Variants in DLGAP1 observed in about 807,000 individuals in gnomAD.
DLGAP1 encodes the protein disks large-associated protein 1.
In DLGAP1, 11 loss-of-function variants were observed where a neutral mutation model predicts 90.8. The ratio of observed to expected loss-of-function variants is 0.12; its 90% CI spans 0.08 to 0.20. The LOEUF (loss-of-function observed/expected upper bound fraction) is 0.20, where lower values mean the gene tolerates loss of function less well. DLGAP1 is among the 10% of genes least tolerant of loss of function. The pLI is 1.00. For synonymous variants in DLGAP1, 558 were observed against 540.7 expected (o/e 1.03, Z -0.44); for missense variants, 1,050 against 1,333.8 (o/e 0.79, Z 3.31).
intron 1 of DLGAP1, among the ~76,000 whole-genome samples, chr18:4,360,805 C>T (rs1326627423): frequency 6.6e-6 from 1 of 152,092 alleles, no homozygotes; most frequent in African/African-American, 2.4e-5. Context: ...ATGGCAAAAC[C>T]CTGTCTCTAC....
At chr18:4,019,852 C>T (rs1249324000) in intron 2 of DLGAP1, among the ~76,000 whole-genome samples, 2 of 152,090 alleles carry the variant, frequency 1.3e-5, no homozygotes, top group African/African-American at 4.8e-5. Context: ...CACCCCCTTC[C>T]CTCCCAAAAC....
intron 1 of DLGAP1, among the ~76,000 whole-genome samples, chr18:4,303,277 T>C (rs976916158): frequency 6.6e-6 from 1 of 152,188 alleles, no homozygotes. Context: ...ATTCTATTTT[T>C]TTTTTCATTA....
intron 1 of DLGAP1, among the ~76,000 whole-genome samples, chr18:4,392,650 C>G (rs1205579854): frequency 6.6e-6 from 1 of 152,134 alleles, no homozygotes; most frequent in Non-Finnish European, 1.5e-5. Flanking sequence ...ATCTACTAAA[C>G]TCTGTAATAA....
At chr18:3,816,212 C>T (rs141607435) in intron 4 of DLGAP1, among the ~76,000 whole-genome samples, 1 of 152,210 alleles carries the variant, frequency 6.6e-6, no homozygotes, top group African/African-American at 2.4e-5. Flanking sequence ...GGACACACAG[C>T]TAAAACGGCA....
intron 7 of DLGAP1, among the ~76,000 whole-genome samples, chr18:3,670,888 G>C (rs766749676): frequency 1.3e-5 from 2 of 152,146 alleles, no homozygotes; most frequent in Non-Finnish European, 2.9e-5. Context: ...TTTTATTTTA[G>C]TTTACCTTAT....
At chr18:4,349,275 A>G (rs1000337285) in intron 1 of DLGAP1, among the ~76,000 whole-genome samples, 4 of 152,154 alleles carry the variant, frequency 2.6e-5, no homozygotes, top group Non-Finnish European at 4.4e-5. Context: ...ACAAACCAGA[A>G]TTGAAGGACA....
At chr18:4,350,246 G>A (rs2081379066) in intron 1 of DLGAP1, among the ~76,000 whole-genome samples, 1 of 152,040 alleles carries the variant, frequency 6.6e-6, no homozygotes, top group Admixed American at 6.6e-5. Flanking sequence ...TTTAAAAATG[G>A]AGGGAAATAT....
rs144981979 is a variant in DLGAP1, at chr18:4,324,297, T to A, written c.-267+130709A>T. Among the ~76,000 whole-genome samples the A allele has an allele frequency of 2.5e-3, 380 of 149,848 alleles. 2 individuals are homozygous for A. The highest frequency in any genetic ancestry group is 9.2e-3 in the African/African-American group (373 of 40,684). On this transcript the variant is annotated intron_variant, in intron 1 of 12. Transcript: ENST00000315677. The stretch of plus-strand genomic sequence containing the variant: ...TCAATAAATTCTTGGACACATACAA[T>A]CTCGTATGACTGAACCATGAAAAAA...
At position 4,007,543 on chromosome 18, in the gene DLGAP1, C is replaced by T. The variant is rs187937115; in HGVS notation, c.-158-2342G>A. 5.3e-5 allele frequency among the ~76,000 whole-genome samples: 8 copies of T among 152,220 alleles called. No individual in the cohort carries two copies. The East Asian group carries it at 1.2e-3, about 22-fold the overall frequency. On this transcript the variant is annotated intron_variant, in intron 2 of 12. Transcript: ENST00000315677. Reference sequence around the variant, plus strand: ...TGGTGGCTGGCACCTGTAATCCCAGCTACTCGGGAGGCTGAGGCAGGAGAA... The same window carrying T: ...TGGTGGCTGGCACCTGTAATCCCAGTTACTCGGGAGGCTGAGGCAGGAGAA...
In DLGAP1 at chr18:3,943,967, G is replaced by A. The variant is rs113315070; in HGVS notation, c.-73+61149C>T. Among the ~76,000 whole-genome samples the A allele has an allele frequency of 7.8e-3, 1,192 of 152,234 alleles. 15 individuals carry two copies. Among genetic ancestry groups the A allele is most frequent in the South Asian group, 0.038 (181 of 4,822 alleles). The stretch of plus-strand genomic sequence containing the variant: ...CTCAGAACAACTCAACCCTGTGAAC[G>A]CCTTGATCTTGGACTTCCAGCCTTC... On this transcript the variant is annotated intron_variant, in intron 3 of 12. Transcript: ENST00000315677.
intron 3 of DLGAP1, among the ~76,000 whole-genome samples, chr18:3,914,145 G>T (rs2072092606): frequency 6.6e-6 from 1 of 152,188 alleles, no homozygotes; most frequent in African/African-American, 2.4e-5. Context: ...ATGCTGTACA[G>T]TAGGTTGCAG....
At chr18:3,992,425 C>G (rs2073987987) in intron 3 of DLGAP1, among the ~76,000 whole-genome samples, 1 of 152,182 alleles carries the variant, frequency 6.6e-6, no homozygotes, top group Non-Finnish European at 1.5e-5. Flanking sequence ...CGCCTGTAAT[C>G]CCAACACTTT....
At chr18:4,222,132 T>A (rs1224739294) in intron 1 of DLGAP1, among the ~76,000 whole-genome samples, 3 of 152,300 alleles carry the variant, frequency 2.0e-5, no homozygotes, top group Non-Finnish European at 2.9e-5. Context: ...TGATTTTATT[T>A]TCTTTCTTTA....
chr18:4,254,752 C>G (rs2078853988), intron 1 of DLGAP1, among the ~76,000 whole-genome samples: 1 of 152,166 alleles, frequency 6.6e-6, no homozygotes, highest in Non-Finnish European at 1.5e-5. Flanking sequence ...CTTCCTAATT[C>G]TCAGAGAAAC....
At chr18:4,223,162 A>AT (rs1206048947) in intron 1 of DLGAP1, among the ~76,000 whole-genome samples, 2 of 152,112 alleles carry the variant, frequency 1.3e-5, no homozygotes, top group African/African-American at 4.8e-5. Flanking sequence ...CATTTAGTAC[A>AT]TTTTTATACT....
chr18:3,561,916 T>C (rs2054142531), intron 9 of DLGAP1, among the ~76,000 whole-genome samples: 2 of 150,678 alleles, frequency 1.3e-5, no homozygotes, highest in African/African-American at 5.0e-5. Flanking sequence ...GAAAAGCACA[T>C]GTCACATGGT....
intron 7 of DLGAP1, among the ~76,000 whole-genome samples, chr18:3,649,227 C>G (rs2146416032): frequency 6.6e-6 from 1 of 152,320 alleles, no homozygotes; most frequent in South Asian, 2.1e-4. Flanking sequence ...AACCTTTCCT[C>G]TCCTCCCCAC....
At chr18:4,159,396 T>C (rs917076474) in intron 1 of DLGAP1, among the ~76,000 whole-genome samples, 2 of 152,196 alleles carry the variant, frequency 1.3e-5, no homozygotes, top group African/African-American at 2.4e-5. Flanking sequence ...GAACTCAACC[T>C]CCGGCTTTTG....
intron 2 of DLGAP1, among the ~76,000 whole-genome samples, chr18:4,079,316 C>T (rs1189726282): frequency 1.3e-5 from 2 of 151,678 alleles, no homozygotes; most frequent in Non-Finnish European, 2.9e-5. Flanking sequence ...CACACACACA[C>T]ACACACACAC....
Sources: allele counts gnomAD v4.1 joint callset (sites outside exome capture counted in the v4.1 genomes callset), GRCh38; gene constraint gnomAD v4.1.1; transcripts MANE v1.5; gene names NCBI Gene and HGNC (gene_info 2026-07-23, HGNC 2026-07-21).